The following SYNCRIP variants were observed in gnomAD, a reference collection of about 807,000 sequenced individuals.
SYNCRIP encodes synaptotagmin binding cytoplasmic RNA interacting protein.
SYNCRIP carries 9 observed loss-of-function variants against 68.9 expected under a neutral mutation model. That is an observed-to-expected ratio of 0.13 (90% CI 0.08 to 0.23). The LOEUF (loss-of-function observed/expected upper bound fraction) is 0.23. Among genes scored for constraint, SYNCRIP ranks in the 10% least tolerant of loss-of-function variants. SYNCRIP has a pLI of 1.00. For synonymous variants in SYNCRIP, 258 were observed against 254.0 expected (o/e 1.02, Z -0.15); for missense variants, 414 against 770.6 (o/e 0.54, Z 5.48).
intron 7 of SYNCRIP, among the ~76,000 whole-genome samples, chr6:85,623,025 T>C (rs1466730146): frequency 6.6e-6 from 1 of 152,208 alleles, no homozygotes; most frequent in Non-Finnish European, 1.5e-5. Flanking sequence ...TGGCTATTTT[T>C]CTTATTATGC....
intron 8 of SYNCRIP, among the ~76,000 whole-genome samples, chr6:85,620,828 G>A (rs1251998753): frequency 1.3e-5 from 2 of 152,076 alleles, no homozygotes; most frequent in African/African-American, 4.8e-5. Flanking sequence ...GCAGACTACA[G>A]GCTACATCAG....
intron 7 of SYNCRIP, among the ~76,000 whole-genome samples, chr6:85,623,571 A>AAAAAAAC (rs1562087643): frequency 1.4e-5 from 2 of 147,876 alleles, no homozygotes; most frequent in African/African-American, 5.2e-5. Context: ...CCAAAAAAAA[A>AAAAAAAC]AAAAAAAAAA....
chr6:85,622,121 C>T (rs1806482500), intron 8 of SYNCRIP, among the ~76,000 whole-genome samples: 1 of 152,172 alleles, frequency 6.6e-6, no homozygotes, highest in Non-Finnish European at 1.5e-5. Context: ...GCCTCTAAAT[C>T]CCAGCACTTT....
intron 10 of SYNCRIP, among the ~76,000 whole-genome samples, chr6:85,616,375 C>G (rs1012474484): frequency 1.3e-5 from 2 of 152,106 alleles, no homozygotes; most frequent in African/African-American, 4.8e-5. Flanking sequence ...ACCCAGGCTG[C>G]AATGCAGTGG....
chr6:85,624,154 A>T, intron 6 of SYNCRIP, 42 bp from the exon 7 acceptor site: 1 of 1,556,976 alleles, frequency 6.4e-7, no homozygotes, highest in Non-Finnish European at 8.8e-7. Context: ...AATTACTTAT[A>T]CAACTAGAAC....
At position 85,619,010 on chromosome 6, in the gene SYNCRIP, ATCATT is replaced by A. The variant is rs879010986; in HGVS notation, c.1159-76_1159-72del. The A allele has an allele frequency of 3.9e-5, 56 of 1,451,962 alleles. No individual in the cohort carries two copies. In the South Asian group the frequency reaches 6.1e-4, roughly 16 times the overall value. The allele number at this position is 1,451,962 out of a possible 1,614,324, so 89.9% of individuals were successfully genotyped here. A position where few individuals can be genotyped will look rare whatever the true frequency, so the allele number is the denominator to read the frequency against. ...ATTATGATTCATTTAAAGTTGGAAT[ATCATT>A]TATCATTAATGTGGGAAGGACAAGA... On this transcript the variant is annotated intron_variant, in intron 9 of 10. Transcript: ENST00000369622.
chr6:85,626,202 T>A (rs1807014210), intron 6 of SYNCRIP, among the ~76,000 whole-genome samples: 1 of 152,222 alleles, frequency 6.6e-6, no homozygotes, highest in South Asian at 2.1e-4. Context: ...ACAAGTAGAT[T>A]ATAATGCCTT....
At chr6:85,632,951 A>T (rs1483216935) in intron 6 of SYNCRIP, among the ~76,000 whole-genome samples, 1 of 150,818 alleles carries the variant, frequency 6.6e-6, no homozygotes, top group Non-Finnish European at 1.5e-5. Context: ...CAGTAATAAT[A>T]ATTAAAACCG....
chr6:85,629,515 A>C (rs1230335103), intron 6 of SYNCRIP, among the ~76,000 whole-genome samples: 1 of 137,734 alleles, frequency 7.3e-6, no homozygotes, highest in East Asian at 2.1e-4. Context: ...AACTAAAAAT[A>C]CAAAAAAAAA....
chr6:85,619,480 A>AC, intron 8 of SYNCRIP, 63 bp from the exon 9 acceptor site: 5 of 1,406,070 alleles, frequency 3.6e-6, no homozygotes, highest in Non-Finnish European at 4.8e-6. Context: ...AGATACCACC[A>AC]CCCCACCCTA....
chr6:85,636,882 G>A (rs1490018247), intron 6 of SYNCRIP, 85 bp downstream of exon 6: 1 of 1,332,452 alleles, frequency 7.5e-7, no homozygotes, highest in Non-Finnish European at 1.0e-6. Flanking sequence ...AAAAATGTTT[G>A]GTAAACTCTT....
chr6:85,619,436 C>T lies in SYNCRIP; in HGVS notation c.1009-19G>A, dbSNP rs759588211. The T allele has an allele frequency of 6.2e-7, 1 of 1,601,830 alleles. No homozygotes were observed. Among genetic ancestry groups the T allele is most frequent in the Non-Finnish European group, 8.5e-7 (1 of 1,176,476 alleles). ...CTTTTACCTAGGGGGAAGAAAATAC[C>T]CCCCTGTATTATTTCCAAAGAGTTC... On this transcript the variant is annotated intron_variant, in intron 8 of 10. Coordinates refer to ENST00000369622, the MANE Select transcript of SYNCRIP (RefSeq NM_006372.5).
intron 4 of SYNCRIP, among the ~76,000 whole-genome samples, chr6:85,638,668 T>C (rs1808767932): frequency 6.6e-6 from 1 of 152,170 alleles, no homozygotes; most frequent in Non-Finnish European, 1.5e-5. Flanking sequence ...TTATGAAAAA[T>C]ACTGTAATTA....
In SYNCRIP at chr6:85,639,672, G is replaced by A. The variant is rs148873786; in HGVS notation, c.375+549C>T. 6.6e-4 allele frequency among the ~76,000 whole-genome samples: 100 copies of A among 152,138 alleles called. 1 individual carries two copies. The East Asian group carries it at 0.015, about 22-fold the overall frequency. ...TCACCAATATAAATATCAAAACCAAGCTGAATTTGAAGCCATTCACCATGA... is the reference window on the plus strand; with the variant it reads ...TCACCAATATAAATATCAAAACCAAACTGAATTTGAAGCCATTCACCATGA... On this transcript the variant is annotated intron_variant, in intron 4 of 10. Transcript: ENST00000369622.
At chr6:85,610,018 T>C (rs887961211), downstream of SYNCRIP, 1 of 151,976 alleles carries the variant, frequency 6.6e-6, no homozygotes, top group Non-Finnish European at 1.5e-5. Context: ...TGCATTTCCA[T>C]TTCTCATATC....
chr6:85,613,599 T>C (rs995958454), downstream of SYNCRIP, among the ~76,000 whole-genome samples: 5 of 152,246 alleles, frequency 3.3e-5, no homozygotes, highest in African/African-American at 1.2e-4. Context: ...CTATTAGATC[T>C]TTAATACAAA....
At chr6:85,623,579 A>AAAAAAAACAAAAAAAAAAAAAAAAAAC (rs1554184894) in intron 7 of SYNCRIP, among the ~76,000 whole-genome samples, 1 of 125,758 alleles carries the variant, frequency 8.0e-6, no homozygotes, top group East Asian at 2.8e-4. Flanking sequence ...AAAAAAAAAA[A>AAAAAAAACAAAAAAAAAAAAAAAAAAC]AAAACACTCT....
intron 7 of SYNCRIP, among the ~76,000 whole-genome samples, chr6:85,623,503 GC>G (rs1311187879): frequency 2.2e-5 from 3 of 133,492 alleles, no homozygotes; most frequent in Non-Finnish European, 4.6e-5. Flanking sequence ...GGCAGAGGCT[GC>G]AGGGAGCCAA....
intron 6 of SYNCRIP, among the ~76,000 whole-genome samples, chr6:85,632,163 C>T (rs768699107): frequency 1.3e-5 from 2 of 152,164 alleles, no homozygotes; most frequent in Non-Finnish European, 2.9e-5. Flanking sequence ...GTCTACAGTA[C>T]TATTTAACCT....
Sources: gnomAD v4.1 joint callset for allele counts (sites outside exome capture counted in the v4.1 genomes callset) on GRCh38, gnomAD v4.1.1 for gene constraint, MANE v1.5 for transcripts, NCBI Gene and HGNC (gene_info 2026-07-23, HGNC 2026-07-21) for gene names.